Variants in NELL2 observed in about 807,000 individuals in gnomAD.
NELL2 encodes the protein neural EGFL like 2, also known as protein kinase C-binding protein NELL2.
A neutral mutation model predicts 109.6 loss-of-function variants in NELL2; 41 were observed. The observed-to-expected ratio is 0.37, with a 90% CI of 0.29 to 0.49. NELL2 has a LOEUF of 0.49. Ranked by LOEUF, NELL2 falls within the 20% of genes least tolerant of loss-of-function variation. The probability of loss-of-function intolerance (pLI) is 0.98; values close to 1 mark genes in which losing one functional copy is unlikely to be tolerated. For synonymous variants in NELL2, 355 were observed against 344.7 expected, an observed-to-expected ratio of 1.03 and a Z score of -0.33; for missense variants, 900 against 1,008.3, an observed-to-expected ratio of 0.89 and a Z score of 1.45.
chr12:44,580,337 C>A (rs1944276633), intron 15 of NELL2, among the ~76,000 whole-genome samples: 1 of 152,102 alleles, frequency 6.6e-6, no homozygotes, highest in Non-Finnish European at 1.5e-5. Context: ...CAGCCCGCTA[C>A]CCTCACTGCC....
chr12:44,858,786 G>A (rs1267018060), intron 2 of NELL2, among the ~76,000 whole-genome samples: 1 of 152,176 alleles, frequency 6.6e-6, no homozygotes, highest in African/African-American at 2.4e-5. Context: ...ATGTAAGCAA[G>A]TGCTCAAATG....
At chr12:44,824,977 T>C (rs994225700) in intron 2 of NELL2, among the ~76,000 whole-genome samples, 6 of 152,156 alleles carry the variant, frequency 3.9e-5, no homozygotes, top group Non-Finnish European at 8.8e-5. Context: ...CCCAAAATGC[T>C]GGGATTACAG....
At chr12:44,868,898 T>C (rs533502794) in intron 2 of NELL2, among the ~76,000 whole-genome samples, 1 of 152,272 alleles carries the variant, frequency 6.6e-6, no homozygotes, top group African/African-American at 2.4e-5. Flanking sequence ...CAAAAAAAAT[T>C]ATAAGTACAT....
intron 13 of NELL2, among the ~76,000 whole-genome samples, chr12:44,637,073 G>T (rs1946665705): frequency 6.6e-6 from 1 of 152,002 alleles, no homozygotes; most frequent in Admixed American, 6.6e-5. Context: ...ATGGCAGTTT[G>T]TATTTCTGTG....
chr12:44,649,499 G>A (rs969942069), intron 13 of NELL2, among the ~76,000 whole-genome samples: 1 of 152,144 alleles, frequency 6.6e-6, no homozygotes, highest in Non-Finnish European at 1.5e-5. Flanking sequence ...AGAGATAGTC[G>A]GAATTCACTT....
intron 19 of NELL2, among the ~76,000 whole-genome samples, chr12:44,511,685 T>C (rs1279707783): frequency 5.9e-5 from 9 of 152,126 alleles, no homozygotes; most frequent in East Asian, 3.8e-4. Flanking sequence ...AGTTTGAAGG[T>C]TGAAAGATAT....
chr12:44,526,382 T>C (rs577983855), intron 16 of NELL2, among the ~76,000 whole-genome samples: 19 of 152,330 alleles, frequency 1.2e-4, no homozygotes, highest in African/African-American at 4.1e-4. Flanking sequence ...CCCTCGAAGA[T>C]ATAATTAAAT....
chr12:44,826,622 T>TA (rs544445028), intron 2 of NELL2, among the ~76,000 whole-genome samples: 61 of 152,372 alleles, frequency 4.0e-4, no homozygotes, highest in South Asian at 1.2e-3. Context: ...TTGTTAGCTC[T>TA]ATAATAATAG....
chr12:44,779,993 C>A lies in NELL2; in HGVS notation c.365G>T (p.Arg122Leu), dbSNP rs1262885427. 1 of 1,613,676 alleles carries A rather than the reference C, an allele frequency of 6.2e-7. No individual in the cohort carries two copies. ...GCGGTAATGCAGTCTGACTTCATTC[C>A]GATGGCCACTACTTTCCAGTTCCAG... ...RYLELESSGH[R>L]NEVRLHYRSG... The change falls in exon 4 of 20, where the codon CGG becomes CTG. Residue 122 changes from arginine (R) to leucine (L), a missense_variant. Coordinates refer to ENST00000429094, the MANE Select transcript of NELL2 (RefSeq NM_001145108.2).
chr12:44,799,030 C>T (rs1218246131), intron 3 of NELL2, among the ~76,000 whole-genome samples: 1 of 135,346 alleles, frequency 7.4e-6, no homozygotes, highest in African/African-American at 2.9e-5. Context: ...AGGATCTTGG[C>T]TCACTGCAAC....
intron 13 of NELL2, among the ~76,000 whole-genome samples, chr12:44,644,623 T>TATAC (rs1555190911): frequency 3.8e-5 from 3 of 78,888 alleles, no homozygotes; most frequent in African/African-American, 1.4e-4. Context: ...TATATATATA[T>TATAC]ATACATACAT....
chr12:44,851,555 T>C (rs915586192), intron 2 of NELL2: 1 of 152,212 alleles, frequency 6.6e-6, no homozygotes, highest in Non-Finnish European at 1.5e-5. Flanking sequence ...ATGACTTTGC[T>C]GTCATTTTTA....
At chr12:44,628,815 G>C (rs1425983131) in intron 13 of NELL2, among the ~76,000 whole-genome samples, 2 of 152,156 alleles carry the variant, frequency 1.3e-5, no homozygotes, top group African/African-American at 4.8e-5. Context: ...GCCGTATCAG[G>C]TGTGCCCACC....
chr12:44,913,885 T>C, exon 1 of NELL2: 1 of 584,866 alleles, frequency 1.7e-6, no homozygotes, highest in Non-Finnish European at 2.8e-6. Context: ...TTAGATTGAA[T>C]AAAGCATCTT....
At chr12:44,683,631 G>T (rs1097975) in intron 12 of NELL2, among the ~76,000 whole-genome samples, 1 of 151,422 alleles carries the variant, frequency 6.6e-6, no homozygotes, top group Non-Finnish European at 1.5e-5. Context: ...TAGCATGAAG[G>T]GTTGCTGAAT....
chr12:44,853,423 G>C (rs886297316), intron 2 of NELL2, among the ~76,000 whole-genome samples: 4 of 152,100 alleles, frequency 2.6e-5, no homozygotes, highest in African/African-American at 9.7e-5. Context: ...GAATTCTTTA[G>C]AGTCAAATTT....
intron 1 of NELL2, among the ~76,000 whole-genome samples, chr12:44,897,843 G>A (rs1185763967): frequency 3.3e-5 from 5 of 152,080 alleles, no homozygotes; most frequent in Non-Finnish European, 2.9e-5. Flanking sequence ...CCCCTACAAA[G>A]CCCAACAAGC....
chr12:44,731,916 C>T (rs369401543), intron 9 of NELL2, among the ~76,000 whole-genome samples: 14 of 151,796 alleles, frequency 9.2e-5, no homozygotes, highest in Admixed American at 2.0e-4. Flanking sequence ...ATTGGTTGTG[C>T]GCCTAAACTC....
intron 13 of NELL2, among the ~76,000 whole-genome samples, chr12:44,640,536 C>G (rs1455053398): frequency 6.6e-6 from 1 of 152,138 alleles, no homozygotes; most frequent in Non-Finnish European, 1.5e-5. Flanking sequence ...AATCAATATG[C>G]ATGTGATCAG....
Sources: gnomAD v4.1 joint callset for allele counts (sites outside exome capture counted in the v4.1 genomes callset) on GRCh38, gnomAD v4.1.1 for gene constraint, MANE v1.5 for transcripts, NCBI Gene and HGNC (gene_info 2026-07-23, HGNC 2026-07-21) for gene names.